The following TBCK variants were observed in gnomAD, a reference collection of about 807,000 sequenced individuals.
TBCK encodes TBC domain-containing protein kinase-like protein.
TBCK carries 99 observed loss-of-function variants against 113.4 expected under a neutral mutation model. The observed-to-expected ratio is 0.87, with a 90% CI of 0.74 to 1.03. The LOEUF is 1.03. TBCK is among the 50% of genes least tolerant of loss of function. The probability of loss-of-function intolerance (pLI) is 0.00; values close to 1 mark genes in which losing one functional copy is unlikely to be tolerated. For missense variants in TBCK, 1,045 were observed against 1,061.3 expected, an observed-to-expected ratio of 0.98 and a Z score of 0.21; for synonymous variants, 369 against 370.8, an observed-to-expected ratio of 1.00 and a Z score of 0.05.
At chr4:106,216,508 G>A (rs1756943755) in intron 19 of TBCK, among the ~76,000 whole-genome samples, 1 of 151,808 alleles carries the variant, frequency 6.6e-6, no homozygotes, top group Admixed American at 6.6e-5. Context: ...GAATCAAATA[G>A]ACGCAATAAA....
chr4:106,263,509 G>T (rs1267299620), intron 3 of TBCK, among the ~76,000 whole-genome samples: 1 of 151,752 alleles, frequency 6.6e-6, no homozygotes, highest in Admixed American at 6.6e-5. Flanking sequence ...TTGGGTGGGG[G>T]GTAGGTGGAC....
chr4:106,073,977 A>G (rs570349862), intron 25 of TBCK, among the ~76,000 whole-genome samples: 1 of 152,196 alleles, frequency 6.6e-6, no homozygotes, highest in African/African-American at 2.4e-5. Context: ...GGAAAAGTGC[A>G]GTATTAAGCT....
rs1023021907 is a variant in TBCK, at chr4:106,292,942, T to C, written c.266+2152A>G. ...TGGGGGTGGCAAGTGAACACTGGGATTTCTGACATGTTTCAAACATTAGCA... is the reference window on the plus strand; with the variant it reads ...TGGGGGTGGCAAGTGAACACTGGGACTTCTGACATGTTTCAAACATTAGCA... On this transcript the variant is annotated intron_variant, in intron 3 of 25. Coordinates refer to ENST00000394708, the MANE Select transcript of TBCK (RefSeq NM_001163435.3). 3.0e-4 allele frequency among the ~76,000 whole-genome samples: 45 copies of C among 152,202 alleles called. 1 individual carries two copies. Among genetic ancestry groups the C allele is most frequent in the Non-Finnish European group, 4.4e-5 (3 of 68,038 alleles).
At chr4:106,068,001 AT>A (rs1483916356) in intron 25 of TBCK, among the ~76,000 whole-genome samples, 1 of 152,020 alleles carries the variant, frequency 6.6e-6, no homozygotes, top group Non-Finnish European at 1.5e-5. Context: ...TTTAGTATGG[AT>A]TTTTTTAATT....
At chr4:106,200,732 T>G (rs2149839011) in intron 20 of TBCK, among the ~76,000 whole-genome samples, 1 of 152,242 alleles carries the variant, frequency 6.6e-6, no homozygotes, top group African/African-American at 2.4e-5. Context: ...TGCTGATATA[T>G]TATCCATGGC....
intron 25 of TBCK, among the ~76,000 whole-genome samples, chr4:106,085,923 A>G (rs1739442252): frequency 1.3e-5 from 2 of 152,218 alleles, no homozygotes; most frequent in Non-Finnish European, 2.9e-5. Context: ...ACAATGCACC[A>G]GAATCCCTGA....
chr4:106,131,827 T>C lies in TBCK; in HGVS notation c.2236-15449A>G, dbSNP rs984789255. Among the ~76,000 whole-genome samples, 5 of 152,276 alleles carry C rather than the reference T, an allele frequency of 3.3e-5. 1 individual carries two copies. Among genetic ancestry groups the C allele is most frequent in the Middle Eastern group, 6.8e-3 (2 of 294 alleles). Reference sequence around the variant, plus strand: ...TTTGACCAAAATGCTGATAGTGATATGAACAATAAGGTCCAGGCTGAGGTA... The same window carrying C: ...TTTGACCAAAATGCTGATAGTGATACGAACAATAAGGTCCAGGCTGAGGTA... On this transcript the variant is annotated intron_variant, in intron 23 of 25. Coordinates refer to ENST00000394708, the MANE Select transcript of TBCK (RefSeq NM_001163435.3).
At chr4:106,146,096 A>C (rs1396798563) in intron 23 of TBCK, among the ~76,000 whole-genome samples, 2 of 152,156 alleles carry the variant, frequency 1.3e-5, no homozygotes, top group Non-Finnish European at 2.9e-5. Context: ...CATGCATGCA[A>C]ATGTTCACTG....
intron 23 of TBCK, 28 bp from the exon 24 acceptor site, chr4:106,116,406 T>A: frequency 1.3e-6 from 2 of 1,556,706 alleles, no homozygotes; most frequent in Non-Finnish European, 1.8e-6. Context: ...CAAAAAAAAA[T>A]ATTGAGAATA....
chr4:106,098,588 T>C lies in TBCK; in HGVS notation c.2412-2947A>G, dbSNP rs185032347. Among the ~76,000 whole-genome samples, 371 of 152,130 alleles carry C rather than the reference T, an allele frequency of 2.4e-3. 2 individuals are homozygous for C. The highest frequency in any genetic ancestry group is 6.8e-3 in the Middle Eastern group (2 of 294). On this transcript the variant is annotated intron_variant, in intron 24 of 25. Transcript: ENST00000394708. ...AAGCGTTAAAAGATAAAAAACATCA[T>C]TACAGAAGTCAGCAGTAATTACAAT...
In TBCK at chr4:106,235,445, C is replaced by T. The variant is rs998340851; in HGVS notation, c.1351-78G>A. The stretch of plus-strand genomic sequence containing the variant: ...TTAGTCTAGACAGTTCTGAATATAC[C>T]CATGATAAAACTTAAGTGACTTGCA... On this transcript the variant is annotated intron_variant, in intron 14 of 25. Transcript: ENST00000394708. 8.6e-5 allele frequency: 77 copies of T among 892,664 alleles called. 1 individual carries two copies. The South Asian group carries it at 1.1e-3, about 13-fold the overall frequency. 55.3% of individuals were successfully genotyped at this position (892,664 alleles called of 1,614,324 possible).
intron 23 of TBCK, among the ~76,000 whole-genome samples, chr4:106,159,805 G>T (rs1205757591): frequency 6.6e-6 from 1 of 152,048 alleles, no homozygotes; most frequent in Non-Finnish European, 1.5e-5. Flanking sequence ...AATCTCAAGA[G>T]ACCTAAAATA....
At chr4:106,122,090 G>A (rs1744472992) in intron 23 of TBCK, among the ~76,000 whole-genome samples, 1 of 152,086 alleles carries the variant, frequency 6.6e-6, no homozygotes, top group Non-Finnish European at 1.5e-5. Flanking sequence ...CCAGGAGCTG[G>A]TTTTTTGAAA....
At chr4:106,271,305 T>C (rs571782872) in intron 3 of TBCK, among the ~76,000 whole-genome samples, 1 of 152,266 alleles carries the variant, frequency 6.6e-6, no homozygotes, top group South Asian at 2.1e-4. Context: ...AATTGGAGAA[T>C]AGTTATCTTT....
At chr4:106,131,610 T>A (rs190086694) in intron 23 of TBCK, among the ~76,000 whole-genome samples, 3 of 152,188 alleles carry the variant, frequency 2.0e-5, no homozygotes, top group Non-Finnish European at 4.4e-5. Flanking sequence ...CAAAACTCCA[T>A]CTCAAAAAAT....
intron 25 of TBCK, among the ~76,000 whole-genome samples, chr4:106,093,404 G>T (rs1740536900): frequency 1.3e-5 from 2 of 152,156 alleles, no homozygotes; most frequent in African/African-American, 4.8e-5. Flanking sequence ...CTACTCGGGA[G>T]GCTGAGGCAG....
intron 1 of TBCK, among the ~76,000 whole-genome samples, chr4:106,311,771 T>C (rs933427944): frequency 3.3e-5 from 5 of 152,050 alleles, no homozygotes; most frequent in Non-Finnish European, 5.9e-5. Flanking sequence ...TATTTCATAA[T>C]TAAAAGAATT....
At chr4:106,209,168 T>G (rs943150801) in intron 20 of TBCK, among the ~76,000 whole-genome samples, 1 of 152,122 alleles carries the variant, frequency 6.6e-6, no homozygotes, top group Non-Finnish European at 1.5e-5. Flanking sequence ...ATTGCAGAAC[T>G]TTTTTACAAG....
At position 106,116,437 on chromosome 4, in the gene TBCK, C is replaced by T. The variant is rs548693997; in HGVS notation, c.2236-59G>A. 1.9e-5 allele frequency: 25 copies of T among 1,346,756 alleles called. 1 individual carries two copies. The East Asian group carries it at 4.7e-4, about 25-fold the overall frequency. The allele number at this position is 1,346,756 out of a possible 1,614,324, so 83.4% of individuals were successfully genotyped here. ...GAATATTATAGAAAAACAAATTATC[C>T]CCAGTAATAGAATATCTTGATACCA... On this transcript the variant is annotated intron_variant, in intron 23 of 25. Coordinates refer to ENST00000394708, the MANE Select transcript of TBCK (RefSeq NM_001163435.3).
Sources: gnomAD v4.1 joint callset for allele counts (sites outside exome capture counted in the v4.1 genomes callset) on GRCh38, gnomAD v4.1.1 for gene constraint, MANE v1.5 for transcripts, NCBI Gene and HGNC (gene_info 2026-07-23, HGNC 2026-07-21) for gene names.